The following HERC4 variants were observed in gnomAD, a reference collection of about 807,000 sequenced individuals.
HERC4 encodes the protein HECT and RLD domain containing E3 ubiquitin protein ligase 4.
Under a neutral mutation model 124.3 loss-of-function variants are expected in HERC4, and 28 were observed. The observed-to-expected ratio is 0.23, with a 90% CI of 0.17 to 0.31. The LOEUF (loss-of-function observed/expected upper bound fraction) is 0.31, where lower values mean the gene tolerates loss of function less well. Among genes scored for constraint, HERC4 ranks in the 10% least tolerant of loss-of-function variants. The pLI, the probability that HERC4 is intolerant of heterozygous loss-of-function variation, is 1.00. For synonymous variants in HERC4, 407 were observed against 421.5 expected (o/e 0.97, Z 0.42); for missense variants, 713 against 1,229.3 (o/e 0.58, Z 6.28).
chr10:67,949,637 G>C (rs901462668), intron 19 of HERC4, among the ~76,000 whole-genome samples: 1 of 152,184 alleles, frequency 6.6e-6, no homozygotes, highest in Non-Finnish European at 1.5e-5. Context: ...TTTACCCCAG[G>C]AATGCAAGGG....
Position 67,925,120 on chromosome 10 carries a change from T to A in HERC4, c.2906A>T (p.His969Leu). Reference sequence around the variant, plus strand: ...TTTCTTCTTTTCCAATGGTAATTCGTGAAATACTTCCCAAAAAATTTTTAT... The same window carrying A: ...TTTCTTCTTTTCCAATGGTAATTCGAGAAATACTTCCCAAAAAATTTTTAT... ...PTIKIFWEVFHELPLEKKKQF... is the reference protein window; with the variant it reads ...PTIKIFWEVFLELPLEKKKQF... Residue 969 changes from histidine to leucine, a missense_variant, in exon 24 of 25, where the codon CAC becomes CTC. By Grantham distance (99) the His-to-Leu change is moderately conservative. Transcript: ENST00000373700. 6.2e-7 allele frequency: 1 copy of A among 1,604,604 alleles called. No homozygotes were observed. The highest frequency in any genetic ancestry group is 8.5e-7 in the Non-Finnish European group (1 of 1,171,468).
rs140715305 is a variant in HERC4 at position 68,047,445 on chromosome 10, C to T, written c.227-2882G>A. 7.9e-3 allele frequency among the ~76,000 whole-genome samples: 1,208 copies of T among 152,098 alleles called. 8 individuals are homozygous for T. The highest frequency in any genetic ancestry group is 0.017 in the South Asian group (82 of 4,804). ...GAGAGTAAGAAGACAAGCCATAGCC[C>T]AGGGGAAAACATTTGCAAAAGATAC... On this transcript the variant is annotated intron_variant, in intron 3 of 24. Coordinates refer to ENST00000373700, the MANE Select transcript of HERC4 (RefSeq NM_015601.4).
rs745404665 is a variant in HERC4 at position 68,032,823 on chromosome 10, T to C, written c.732A>G (p.Ile244Met). ...NLLKSLRSQK[I>M]VYICCGEDHT... is the part of the protein sequence containing the mutation. ...GATCTTCTCCACAACAAATATAAAC[T>C]ATTTTCTGAGATCTTAGTGACTTTA... Residue 244 changes from isoleucine to methionine, a missense_variant, in exon 7 of 25, where the codon ATA (isoleucine) becomes ATG (methionine). Ile to Met is a conservative substitution (Grantham distance 10). Transcript: ENST00000373700. 5 of 1,588,226 alleles carry C rather than the reference T, an allele frequency of 3.1e-6. No homozygotes were observed.
At chr10:67,937,828 C>T (rs1432151746) in intron 21 of HERC4, among the ~76,000 whole-genome samples, 3 of 151,616 alleles carry the variant, frequency 2.0e-5, no homozygotes, top group Non-Finnish European at 4.4e-5. Flanking sequence ...ACTACAGGTA[C>T]GTGCCACCAT....
At chr10:68,046,376 T>C (rs773447663) in intron 3 of HERC4, among the ~76,000 whole-genome samples, 10 of 152,186 alleles carry the variant, frequency 6.6e-5, no homozygotes, top group Admixed American at 4.6e-4. Flanking sequence ...GCTATAAAGA[T>C]AGCAATGTAA....
chr10:67,946,721 AC>A (rs2033388491), intron 19 of HERC4, among the ~76,000 whole-genome samples: 1 of 152,152 alleles, frequency 6.6e-6, no homozygotes, highest in Non-Finnish European at 1.5e-5. Flanking sequence ...ATCCTGGCCA[AC>A]ATGGTGAAAC....
In HERC4 at chr10:67,962,540, G is replaced by A. The variant is rs571111672; in HGVS notation, c.1926+4143C>T. On this transcript the variant is annotated intron_variant, in intron 16 of 24. Transcript: ENST00000373700. ...GCAAGAATATGAAAAATAATAGGAC[G>A]TGAAAAACTTCAGAAAAAGAGAGAT... 1.3e-4 allele frequency among the ~76,000 whole-genome samples: 19 copies of A among 152,000 alleles called. No individual in the cohort carries two copies. The South Asian group carries it at 1.9e-3, about 15-fold the overall frequency.
At chr10:68,017,986 C>A (rs2038369933) in intron 8 of HERC4, among the ~76,000 whole-genome samples, 2 of 152,116 alleles carry the variant, frequency 1.3e-5, no homozygotes, top group South Asian at 4.1e-4. Flanking sequence ...TCAAGCTGTT[C>A]TATTTCCAAA....
chr10:68,029,526 C>A (rs1365178493), intron 7 of HERC4, among the ~76,000 whole-genome samples: 1 of 151,700 alleles, frequency 6.6e-6, no homozygotes, highest in East Asian at 1.9e-4. Context: ...TTTAAGATTT[C>A]TTTGTGGATT....
Position 67,988,652 on chromosome 10 carries a change from A to T in HERC4, c.1806+11T>A, listed in dbSNP as rs2036393096. 3 of 1,472,188 alleles carry T rather than the reference A, an allele frequency of 2.0e-6. No homozygotes were observed. The highest frequency in any genetic ancestry group is 2.4e-5 in the Admixed American group (1 of 42,148). 91.2% of individuals were successfully genotyped at this position (1,472,188 alleles called of 1,614,324 possible). A position where few individuals can be genotyped will look rare whatever the true frequency, so the allele number is the denominator to read the frequency against. ...GGGGAAAGAGGAAAATAAAGGAATG[A>T]TTGGACATACCCTATGTAGTATTTC... On this transcript the variant is annotated intron_variant, in intron 15 of 24. Coordinates refer to ENST00000373700, the MANE Select transcript of HERC4 (RefSeq NM_015601.4).
chr10:67,947,495 T>G (rs756904936), intron 19 of HERC4, among the ~76,000 whole-genome samples: 1 of 151,720 alleles, frequency 6.6e-6, no homozygotes, highest in Non-Finnish European at 1.5e-5. Flanking sequence ...TATAGACAGT[T>G]CTAAGATAAT....
chr10:68,058,767 G>A (rs1434578977), intron 3 of HERC4, among the ~76,000 whole-genome samples: 1 of 151,840 alleles, frequency 6.6e-6, no homozygotes, highest in Non-Finnish European at 1.5e-5. Context: ...GGCACAGAAA[G>A]GTTAAGCAAT....
chr10:68,010,462 A>G, intron 9 of HERC4: 1 of 930,822 alleles, frequency 1.1e-6, no homozygotes, highest in Non-Finnish European at 1.7e-6. Flanking sequence ...CAATTACAGA[A>G]CCACACTCGG....
intron 19 of HERC4, among the ~76,000 whole-genome samples, chr10:67,946,454 C>T (rs1038211825): frequency 6.7e-6 from 1 of 150,118 alleles, no homozygotes; most frequent in Non-Finnish European, 1.5e-5. Flanking sequence ...GACACATATA[C>T]TGAAAATAAA....
chr10:67,989,405 G>T (rs2036434675), intron 14 of HERC4, among the ~76,000 whole-genome samples: 1 of 152,000 alleles, frequency 6.6e-6, no homozygotes, highest in Admixed American at 6.6e-5. Context: ...ATCCTATGAA[G>T]CAGGCAGAAA....
At chr10:67,985,970 A>G (rs1392138070) in intron 15 of HERC4, among the ~76,000 whole-genome samples, 7 of 152,222 alleles carry the variant, frequency 4.6e-5, no homozygotes, top group Non-Finnish European at 1.0e-4. Context: ...CATAGAGCAG[A>G]GGGAAGGAAT....
At chr10:68,020,661 T>C (rs1241360438) in intron 8 of HERC4, among the ~76,000 whole-genome samples, 1 of 149,406 alleles carries the variant, frequency 6.7e-6, no homozygotes, top group Non-Finnish European at 1.5e-5. Flanking sequence ...CCCAGCTACT[T>C]GGGAGGCTGA....
intron 19 of HERC4, among the ~76,000 whole-genome samples, chr10:67,946,124 G>A (rs1051437317): frequency 6.6e-6 from 1 of 151,490 alleles, no homozygotes; most frequent in Non-Finnish European, 1.5e-5. Flanking sequence ...ATGGTGGCAC[G>A]TGCCTATAGT....
At chr10:67,951,117 TG>T (rs1411389457) in intron 19 of HERC4, among the ~76,000 whole-genome samples, 2 of 152,190 alleles carry the variant, frequency 1.3e-5, no homozygotes, top group Non-Finnish European at 2.9e-5. Flanking sequence ...AAGAGATTCA[TG>T]ATAAAGCTTA....
Sources: allele counts gnomAD v4.1 joint callset (sites outside exome capture counted in the v4.1 genomes callset), GRCh38; gene constraint gnomAD v4.1.1; transcripts MANE v1.5; gene names NCBI Gene and HGNC (gene_info 2026-07-23, HGNC 2026-07-21).